Variants in SOBP observed in about 807,000 individuals in gnomAD.
The protein encoded by SOBP is sine oculis-binding protein homolog.
Under a neutral mutation model 53.6 loss-of-function variants are expected in SOBP, and 4 were observed. The ratio of observed to expected loss-of-function variants is 0.07; its 90% CI spans 0.04 to 0.17. The LOEUF is 0.17. Ranked by LOEUF, SOBP falls within the 10% of genes least tolerant of loss-of-function variation. The probability of loss-of-function intolerance (pLI) is 1.00; values close to 1 mark genes in which losing one functional copy is unlikely to be tolerated. For synonymous variants in SOBP, 584 were observed against 522.6 expected (o/e 1.12, Z -1.60); for missense variants, 1,088 against 1,204.7 (o/e 0.90, Z 1.43).
At chr6:107,630,832 A>C (rs1487009412) in intron 5 of SOBP, among the ~76,000 whole-genome samples, 1 of 151,978 alleles carries the variant, frequency 6.6e-6, no homozygotes, top group African/African-American at 2.4e-5. Flanking sequence ...TACTACTTGA[A>C]CACTTTGGGA....
intron 4 of SOBP, among the ~76,000 whole-genome samples, chr6:107,557,409 G>T (rs1173180027): frequency 6.6e-6 from 1 of 152,170 alleles, no homozygotes; most frequent in African/African-American, 2.4e-5. Flanking sequence ...TGTTTTTGCT[G>T]TCTGTATATC....
At chr6:107,513,455 A>G (rs953726747) in intron 3 of SOBP, among the ~76,000 whole-genome samples, 4 of 152,138 alleles carry the variant, frequency 2.6e-5, no homozygotes, top group African/African-American at 9.7e-5. Context: ...TTTGGCTCTT[A>G]TAATTCTGAC....
chr6:107,536,524 C>T (rs1173608679), intron 4 of SOBP, among the ~76,000 whole-genome samples: 1 of 152,088 alleles, frequency 6.6e-6, no homozygotes, highest in African/African-American at 2.4e-5. Context: ...CCTCTCAATC[C>T]TTCATTTCTT....
At chr6:107,616,070 T>C (rs1223927607) in intron 5 of SOBP, among the ~76,000 whole-genome samples, 1 of 27,560 alleles carries the variant, frequency 3.6e-5, no homozygotes, top group African/African-American at 2.0e-4. Context: ...TGCCTACTCA[T>C]TGAGGAAGGG....
rs374054779 is a variant in SOBP, at chr6:107,558,474, T to G, written c.573+24864T>G. Among the ~76,000 whole-genome samples, 31 of 152,094 alleles carry G rather than the reference T, an allele frequency of 2.0e-4. No individual in the cohort carries two copies. In the East Asian group the frequency reaches 6.0e-3, roughly 29 times the overall value. ...AGTAGAGACGGGGGTTTCACCATGTTGGCCAGGCTGGTCTCGAACTCCTGA... is the reference window on the plus strand; with the variant it reads ...AGTAGAGACGGGGGTTTCACCATGTGGGCCAGGCTGGTCTCGAACTCCTGA... On this transcript the variant is annotated intron_variant, in intron 4 of 6. Transcript: ENST00000317357.
intron 4 of SOBP, among the ~76,000 whole-genome samples, chr6:107,573,301 G>T (rs1332897410): frequency 6.6e-6 from 1 of 151,850 alleles, no homozygotes; most frequent in Non-Finnish European, 1.5e-5. Flanking sequence ...TTTTAATCAA[G>T]ACTTTAATGA....
At chr6:107,524,317 T>C (rs556108028) in intron 3 of SOBP, among the ~76,000 whole-genome samples, 30 of 152,314 alleles carry the variant, frequency 2.0e-4, no homozygotes, top group African/African-American at 6.7e-4. Context: ...ACTTCAGCTA[T>C]CTAGGAGAGA....
In SOBP at chr6:107,659,487, A is replaced by C. The variant is rs1210057736; in HGVS notation, c.*1284A>C. On this transcript the variant is annotated 3_prime_UTR_variant, in exon 7 of 7. Transcript: ENST00000317357. ...GAGTACAGAAAAAAAAAGAAAAAGA[A>C]AAGAAGAGAAAAAATTAAGAAAAAA... 1 of 151,996 alleles carries C rather than the reference A, an allele frequency of 6.6e-6. No individual in the cohort carries two copies. Among genetic ancestry groups the C allele is most frequent in the Non-Finnish European group, 1.5e-5 (1 of 67,940 alleles). The allele number at this position is 151,996 out of a possible 1,614,324, so 9.4% of individuals were successfully genotyped here. A position where few individuals can be genotyped will look rare whatever the true frequency, so the allele number is the denominator to read the frequency against.
Position 107,490,139 on chromosome 6 carries a change from C to CCGCG in SOBP, c.-476_-473dup, listed in dbSNP as rs1160471207. The CCGCG allele has an allele frequency of 6.7e-6, 1 of 149,576 alleles. No homozygotes were observed. The highest frequency in any genetic ancestry group is 1.8e-4 in the South Asian group (1 of 5,640). 9.3% of individuals were successfully genotyped at this position (149,576 alleles called of 1,614,324 possible). On this transcript the variant is annotated 5_prime_UTR_variant, in exon 1 of 7. Coordinates refer to ENST00000317357, the MANE Select transcript of SOBP (RefSeq NM_018013.4). The stretch of plus-strand genomic sequence containing the variant: ...CGCGCTCTCCCGGGCTCACACACAG[C>CCGCG]CGCGCACGCACGCCCGGGGCCGCTC...
At chr6:107,492,702 C>T (rs1184339606) in intron 1 of SOBP, among the ~76,000 whole-genome samples, 1 of 152,144 alleles carries the variant, frequency 6.6e-6, no homozygotes, top group South Asian at 2.1e-4. Context: ...AACCTTGGTG[C>T]ACAGAATTTC....
intron 5 of SOBP, among the ~76,000 whole-genome samples, chr6:107,589,852 C>A (rs911446719): frequency 6.6e-6 from 1 of 152,210 alleles, no homozygotes; most frequent in Admixed American, 6.5e-5. Context: ...TGCGCACACA[C>A]GTGCACACAC....
intron 6 of SOBP, among the ~76,000 whole-genome samples, chr6:107,650,356 G>A (rs1771752901): frequency 6.6e-6 from 1 of 152,174 alleles, no homozygotes. Context: ...TCAGTTGCAG[G>A]CATATCTCAC....
chr6:107,560,291 T>C (rs922571198), intron 4 of SOBP, among the ~76,000 whole-genome samples: 1 of 149,822 alleles, frequency 6.7e-6, no homozygotes, highest in African/African-American at 2.5e-5. Context: ...GTAGTAAAGA[T>C]AGGAGTAGCC....
chr6:107,650,789 G>A (rs1008643857), intron 6 of SOBP, among the ~76,000 whole-genome samples: 4 of 152,232 alleles, frequency 2.6e-5, no homozygotes, highest in Non-Finnish European at 5.9e-5. Context: ...TAAGTGAAAG[G>A]AGGGCCTCTA....
At chr6:107,499,634 G>T (rs1457988038) in intron 1 of SOBP, among the ~76,000 whole-genome samples, 2 of 152,142 alleles carry the variant, frequency 1.3e-5, no homozygotes, top group East Asian at 1.9e-4. Context: ...AATTCATGAG[G>T]TATGATCACT....
chr6:107,511,008 T>C (rs771781760), intron 3 of SOBP, among the ~76,000 whole-genome samples: 47 of 152,310 alleles, frequency 3.1e-4, no homozygotes, highest in South Asian at 8.3e-4. Flanking sequence ...TTTTAGAGTT[T>C]ATGAAATTTA....
chr6:107,618,872 T>C (rs373421724), intron 5 of SOBP, among the ~76,000 whole-genome samples: 1 of 152,164 alleles, frequency 6.6e-6, no homozygotes, highest in East Asian at 1.9e-4. Flanking sequence ...GTAGGGTAAC[T>C]AGAACTGAGA....
At chr6:107,504,251 G>A (rs117291189) in intron 2 of SOBP, among the ~76,000 whole-genome samples, 1,606 of 152,246 alleles carry the variant, frequency 0.011, 18 homozygotes, top group Non-Finnish European at 0.015. Flanking sequence ...AATCTAAACG[G>A]AATTACTATT....
At chr6:107,571,583 A>G (rs948447152) in intron 4 of SOBP, among the ~76,000 whole-genome samples, 13 of 152,156 alleles carry the variant, frequency 8.5e-5, no homozygotes, top group Non-Finnish European at 1.5e-4. Context: ...GGTTATTTCA[A>G]CACAAACTGT....
Sources: allele counts gnomAD v4.1 joint callset (sites outside exome capture counted in the v4.1 genomes callset), GRCh38; gene constraint gnomAD v4.1.1; transcripts MANE v1.5; gene names NCBI Gene and HGNC (gene_info 2026-07-23, HGNC 2026-07-21).